NBEA: variants seen among roughly 807,000 people sequenced by gnomAD.
NBEA encodes lysosomal-trafficking regulator 2.
NBEA carries 44 observed loss-of-function variants against 343.4 expected under a neutral mutation model. That is an observed-to-expected ratio of 0.13 (90% CI 0.10 to 0.16). The LOEUF is 0.16. NBEA is among the 10% of genes least tolerant of loss of function. The pLI, the probability that NBEA is intolerant of heterozygous loss-of-function variation, is 1.00. For missense variants in NBEA, 2,555 were observed against 3,631.3 expected (o/e 0.70, Z 7.62); for synonymous variants, 1,175 against 1,238.7 (o/e 0.95, Z 1.08).
chr13:35,439,305 G>C (rs1431959101), intron 39 of NBEA, among the ~76,000 whole-genome samples: 1 of 152,214 alleles, frequency 6.6e-6, no homozygotes, highest in Non-Finnish European at 1.5e-5. Flanking sequence ...TTATCATAGA[G>C]GGATGTAGTA....
Position 35,378,906 on chromosome 13 carries a change from C to T in NBEA, c.6179+26583C>T, listed in dbSNP as rs576048882. On this transcript the variant is annotated intron_variant, in intron 38 of 58. Coordinates refer to ENST00000379939, the MANE Select transcript of NBEA (RefSeq NM_001385012.1). ...TGTAGATGGAATCATATAGTATAAACGTTTTTGTCTAGTATCTTTTGCCCA... is the reference window on the plus strand; with the variant it reads ...TGTAGATGGAATCATATAGTATAAATGTTTTTGTCTAGTATCTTTTGCCCA... Among the ~76,000 whole-genome samples, 87 of 151,988 alleles carry T rather than the reference C, an allele frequency of 5.7e-4. 2 individuals carry two copies. Among genetic ancestry groups the T allele is most frequent in the Admixed American group, 5.2e-3 (79 of 15,246 alleles).
At chr13:35,654,801 T>G (rs2084732537) in intron 53 of NBEA, 54 bp from the exon 54 acceptor site, 1 of 1,455,034 alleles carries the variant, frequency 6.9e-7, no homozygotes, top group South Asian at 1.4e-5. Context: ...TTTGAGTGCT[T>G]GGCAAAACTC....
intron 49 of NBEA, among the ~76,000 whole-genome samples, chr13:35,633,182 A>G (rs2083538812): frequency 6.6e-6 from 1 of 151,404 alleles, no homozygotes; most frequent in Non-Finnish European, 1.5e-5. Flanking sequence ...GGCTCACTGC[A>G]AGCTCTGCCT....
chr13:35,153,397 C>A (rs996252858), intron 18 of NBEA, among the ~76,000 whole-genome samples: 2 of 152,042 alleles, frequency 1.3e-5, no homozygotes, highest in African/African-American at 4.8e-5. Context: ...TTTATGCCTG[C>A]CTCCAGAACA....
chr13:35,124,809 TAC>T (rs1197591158), intron 17 of NBEA, among the ~76,000 whole-genome samples: 22 of 151,084 alleles, frequency 1.5e-4, no homozygotes, highest in African/African-American at 2.9e-4. Flanking sequence ...TGGATATATA[TAC>T]ACACACATAT....
intron 1 of NBEA, among the ~76,000 whole-genome samples, chr13:35,018,644 C>G (rs1158091810): frequency 2.0e-5 from 3 of 151,988 alleles, no homozygotes; most frequent in Non-Finnish European, 4.4e-5. Context: ...TGGGTAGATT[C>G]CTTAGGATTT....
intron 39 of NBEA, among the ~76,000 whole-genome samples, chr13:35,451,324 C>G (rs1326926903): frequency 6.6e-6 from 1 of 152,110 alleles, no homozygotes; most frequent in South Asian, 2.1e-4. Flanking sequence ...GGGGTTTCAC[C>G]GTGTTAACCA....
intron 31 of NBEA, among the ~76,000 whole-genome samples, chr13:35,202,196 A>G (rs2073068895): frequency 6.6e-6 from 1 of 151,594 alleles, no homozygotes; most frequent in African/African-American, 2.4e-5. Flanking sequence ...ATTTCAGCCC[A>G]CTCTTCCTTG....
chr13:35,526,371 G>A (rs1235182563), intron 41 of NBEA, among the ~76,000 whole-genome samples: 5 of 152,106 alleles, frequency 3.3e-5, no homozygotes, highest in African/African-American at 1.2e-4. Context: ...CAAGTTTTTG[G>A]CCAGTGGCCC....
chr13:35,649,991 C>A, intron 52 of NBEA, 144 bp downstream of exon 52: 2 of 835,376 alleles, frequency 2.4e-6, no homozygotes, highest in Non-Finnish European at 3.7e-6. Context: ...TCAAATCCAA[C>A]TAAGGGACTT....
intron 47 of NBEA, among the ~76,000 whole-genome samples, chr13:35,604,673 T>G (rs2082208046): frequency 6.6e-6 from 1 of 152,130 alleles, no homozygotes; most frequent in Non-Finnish European, 1.5e-5. Context: ...TATCCTTCAT[T>G]AAACTTTTCT....
At chr13:35,431,192 T>A (rs2045087497) in intron 38 of NBEA, among the ~76,000 whole-genome samples, 1 of 152,086 alleles carries the variant, frequency 6.6e-6, no homozygotes, top group South Asian at 2.1e-4. Context: ...GCTAGAAATA[T>A]AATGATGAGC....
chr13:35,507,403 ACT>A (rs1434225741), intron 41 of NBEA, among the ~76,000 whole-genome samples: 4 of 151,320 alleles, frequency 2.6e-5, no homozygotes, highest in Non-Finnish European at 5.9e-5. Flanking sequence ...TTCTAGCCTG[ACT>A]CTCTTTCTTG....
intron 10 of NBEA, among the ~76,000 whole-genome samples, chr13:35,077,237 A>G (rs2064160283): frequency 6.6e-6 from 1 of 152,106 alleles, no homozygotes; most frequent in Non-Finnish European, 1.5e-5. Flanking sequence ...TAGGCTGGTA[A>G]CTTCCAGTGC....
At chr13:35,651,936 A>G (rs2084542632) in intron 53 of NBEA, 60 bp downstream of exon 53, 1 of 935,686 alleles carries the variant, frequency 1.1e-6, no homozygotes, top group Non-Finnish European at 1.7e-6. Context: ...ATATATAGTT[A>G]TTTTTCATAA....
At chr13:35,544,303 A>C (rs1281569773) in intron 41 of NBEA, among the ~76,000 whole-genome samples, 1 of 152,226 alleles carries the variant, frequency 6.6e-6, no homozygotes, top group African/African-American at 2.4e-5. Context: ...AAAGAAAAAA[A>C]ATTTGTAATA....
intron 46 of NBEA, among the ~76,000 whole-genome samples, chr13:35,592,140 A>G (rs559054812): frequency 1.3e-5 from 2 of 152,258 alleles, no homozygotes; most frequent in South Asian, 4.1e-4. Context: ...TTAAAATTAA[A>G]TGCATTAGGA....
chr13:35,290,956 A>G (rs1661572370), intron 35 of NBEA, among the ~76,000 whole-genome samples: 1 of 151,772 alleles, frequency 6.6e-6, no homozygotes, highest in East Asian at 1.9e-4. Flanking sequence ...CTAAAAATCT[A>G]CTTGAGCTGT....
At chr13:34,990,916 T>C (rs1045928883) in intron 1 of NBEA, among the ~76,000 whole-genome samples, 1 of 152,210 alleles carries the variant, frequency 6.6e-6, no homozygotes, top group Non-Finnish European at 1.5e-5. Context: ...CTGCCAGATA[T>C]CTTAAATCAT....
Sources: allele counts gnomAD v4.1 joint callset (sites outside exome capture counted in the v4.1 genomes callset), GRCh38; gene constraint gnomAD v4.1.1; transcripts MANE v1.5; gene names NCBI Gene and HGNC (gene_info 2026-07-23, HGNC 2026-07-21).